BCR: variants seen among roughly 807,000 people sequenced by gnomAD.
BCR encodes breakpoint cluster region protein.
Under a neutral mutation model 138.6 loss-of-function variants are expected in BCR, and 58 were observed. The observed-to-expected ratio is 0.42, with a 90% CI of 0.34 to 0.52. The LOEUF is 0.52. BCR is among the 20% of genes least tolerant of loss of function. BCR has a pLI of 0.06. For missense variants in BCR, 1,599 were observed against 1,727.2 expected (o/e 0.93, Z 1.32); for synonymous variants, 786 against 730.1 (o/e 1.08, Z -1.23).
Position 23,181,485 on chromosome 22 carries a change from C to T in BCR, c.525C>T (p.Pro175=), listed in dbSNP as rs769081919. 14 of 1,611,712 alleles carry T rather than the reference C, an allele frequency of 8.7e-6. No individual in the cohort carries two copies. The South Asian group carries it at 9.9e-5, about 11-fold the overall frequency. The change falls in exon 1 of 23, where the codon CCC becomes CCT. Residue 175 remains proline (P), a synonymous_variant. Coordinates refer to ENST00000305877, the MANE Select transcript of BCR (RefSeq NM_004327.4). ...AGCCCGGGGCGGACGCCGAGAAGCC[C>T]TTCTACGTGAACGTCGAGTTTCACC... is the stretch of plus-strand genomic sequence containing the variant. ...HGQPGADAEK[P]FYVNVEFHHE...
chr22:23,290,558 T>G, intron 14 of BCR, 145 bp downstream of exon 14: 1 of 835,116 alleles, frequency 1.2e-6, no homozygotes, highest in Non-Finnish European at 2.0e-6. Flanking sequence ...GTGGAGTGTT[T>G]GTGCTGGTTG....
intron 16 of BCR, among the ~76,000 whole-genome samples, chr22:23,308,047 G>A (rs948593679): frequency 4.8e-5 from 7 of 146,144 alleles, no homozygotes; most frequent in African/African-American, 1.6e-4. Context: ...ATATGTGCAC[G>A]CATGTGAATG....
At chr22:23,216,662 G>A (rs2072756621) in intron 1 of BCR, among the ~76,000 whole-genome samples, 1 of 152,218 alleles carries the variant, frequency 6.6e-6, no homozygotes, top group South Asian at 2.1e-4. Flanking sequence ...CATCTGGCTT[G>A]GTATGAGGTG....
chr22:23,244,805 G>A (rs968061412), intron 1 of BCR, among the ~76,000 whole-genome samples: 2 of 152,196 alleles, frequency 1.3e-5, no homozygotes, highest in African/African-American at 4.8e-5. Flanking sequence ...ATCATCCTGG[G>A]GCGGAGGGCT....
At chr22:23,192,309 C>T (rs2072425965) in intron 1 of BCR, among the ~76,000 whole-genome samples, 1 of 152,186 alleles carries the variant, frequency 6.6e-6, no homozygotes, top group South Asian at 2.1e-4. Context: ...TGCCTCTCTC[C>T]TCAGACTGAG....
In BCR at chr22:23,290,134, A is replaced by G; in HGVS notation, c.2708-205A>G. The G allele has an allele frequency of 1.1e-5, 7 of 646,608 alleles. No individual in the cohort carries two copies. In the South Asian group the frequency reaches 1.2e-4, roughly 11 times the overall value. 40.1% of individuals were successfully genotyped at this position (646,608 alleles called of 1,614,324 possible). ...CACTTCGAGTCACTGGTTTGCCTGT[A>G]TTGTGAAACCAGCTGGATCCTGAGA... On this transcript the variant is annotated intron_variant, in intron 13 of 22. Transcript: ENST00000305877.
At chr22:23,297,220 TGTTTTTTTTTTTTTTTTC>T (rs1568979581) in intron 16 of BCR, among the ~76,000 whole-genome samples, 1 of 138,410 alleles carries the variant, frequency 7.2e-6, no homozygotes, top group Non-Finnish European at 1.5e-5. Flanking sequence ...TTTTGTTTTT[TGTTTTTTTTTTTTTTTTC>T]GAGACAGAGT....
intron 13 of BCR, chr22:23,289,935 C>A (rs946511684): frequency 1.6e-5 from 8 of 514,624 alleles, no homozygotes; most frequent in Non-Finnish European, 2.8e-5. Flanking sequence ...TCCTCCCAGC[C>A]CTCCTCTCCT....
Position 23,273,649 on chromosome 22 carries a change from A to G in BCR, c.1990A>G (p.Thr664Ala). The change falls in exon 8 of 23, where the codon ACT becomes GCT. Residue 664 changes from threonine (T) to alanine (A), a missense_variant. By Grantham distance (58) the Thr-to-Ala change is moderately conservative (BLOSUM62 0). This residue lies in a region of BCR where 590 missense variants were observed against 762.4 expected (regional missense o/e 0.77). Coordinates refer to ENST00000305877, the MANE Select transcript of BCR (RefSeq NM_004327.4). ...CCTGGGGCAGGACTTGCTGAAGCAC[A>G]CTCCTGCCAGCCACCCTGACCACCC... ...TLVLHDLLKHTPASHPDHPLL... is the reference protein window; with the variant it reads ...TLVLHDLLKHAPASHPDHPLL... 2 of 1,613,550 alleles carry G rather than the reference A, an allele frequency of 1.2e-6. No individual in the cohort carries two copies. The highest frequency in any genetic ancestry group is 1.7e-6 in the Non-Finnish European group (2 of 1,179,924).
In BCR at chr22:23,268,395, T is replaced by TC. The variant is rs768918920; in HGVS notation, c.1753-11dup. On this transcript the variant is annotated splice_polypyrimidine_tract_variant and intron_variant, in intron 4 of 22. Coordinates refer to ENST00000305877, the MANE Select transcript of BCR (RefSeq NM_004327.4). ...AGCACCTGTCCCACTCTCTCTTCCT[T>TC]CCTCCCCCTCAGGCCAGCCAGCTGG... is the stretch of plus-strand genomic sequence containing the variant. 2 of 1,599,916 alleles carry TC rather than the reference T, an allele frequency of 1.3e-6. No homozygotes were observed. Among genetic ancestry groups the TC allele is most frequent in the Non-Finnish European group, 1.7e-6 (2 of 1,172,172 alleles).
chr22:23,180,623 A>G lies in BCR; in HGVS notation c.-338A>G, dbSNP rs75147926. ...GCGGCGGGGCTGTGGGGCGGTGCGG[A>G]AGCGAGAGGCGAGGAGCGCGCGGGC... On this transcript the variant is annotated 5_prime_UTR_variant, in exon 1 of 23. Coordinates refer to ENST00000305877, the MANE Select transcript of BCR (RefSeq NM_004327.4). 114,877 of 174,048 alleles carry G rather than the reference A, an allele frequency of 0.66. 39,169 individuals are homozygous for G. The highest frequency in any genetic ancestry group is 0.96 in the East Asian group (6,028 of 6,302). The allele number at this position is 174,048 out of a possible 1,614,324, so 10.8% of individuals were successfully genotyped here.
chr22:23,188,143 T>C (rs1486622026), intron 1 of BCR, among the ~76,000 whole-genome samples: 1 of 152,152 alleles, frequency 6.6e-6, no homozygotes, highest in Admixed American at 6.5e-5. Context: ...TACAGGCTCC[T>C]TTCCATGGAT....
At chr22:23,304,276 G>T (rs946121829) in intron 16 of BCR, among the ~76,000 whole-genome samples, 1 of 151,808 alleles carries the variant, frequency 6.6e-6, no homozygotes, top group Non-Finnish European at 1.5e-5. Context: ...GACCCAAGCC[G>T]ATCTGCTTTT....
rs1275410236 is a variant in BCR at position 23,181,058 on chromosome 22, A to C, written c.98A>C (p.Gln33Pro). 1.3e-6 allele frequency: 2 copies of C among 1,518,896 alleles called. No individual in the cohort carries two copies. The highest frequency in any genetic ancestry group is 2.4e-5 in the South Asian group (2 of 81,734). 94.1% of individuals were successfully genotyped at this position (1,518,896 alleles called of 1,614,324 possible). The change falls in exon 1 of 23, where the codon CAG becomes CCG. Residue 33 changes from glutamine (Q) to proline (P), a missense_variant. Physicochemically the swap from Gln to Pro is moderately conservative, Grantham distance 76 (BLOSUM62 -1). This residue lies in a region of BCR where 806 missense variants were observed against 635.0 expected (regional missense o/e 1.27). Transcript: ENST00000305877. ...CTGCGCTCAGTGGGCGACATCGAGC[A>C]GGAGCTGGAGCGCTGCAAGGCCTCC... ...MELRSVGDIE[Q>P]ELERCKASIR...
At chr22:23,302,255 C>T (rs2073909903) in intron 16 of BCR, 2 of 152,580 alleles carry the variant, frequency 1.3e-5, no homozygotes, top group African/African-American at 4.8e-5. Flanking sequence ...CAGACCGGGC[C>T]AAGCCCCCAG....
At chr22:23,284,606 G>T (rs553392941) in intron 9 of BCR, among the ~76,000 whole-genome samples, 1 of 152,322 alleles carries the variant, frequency 6.6e-6, no homozygotes, top group East Asian at 1.9e-4. Flanking sequence ...TGCTGAGTGG[G>T]TTTAATCAGT....
intron 1 of BCR, among the ~76,000 whole-genome samples, chr22:23,211,825 A>G (rs1158614055): frequency 2.0e-5 from 3 of 152,270 alleles, no homozygotes; most frequent in East Asian, 3.9e-4. Context: ...TCCAGGCCAC[A>G]TCTCACCCTC....
chr22:23,311,889 G>A (rs533937137), intron 19 of BCR, 53 bp downstream of exon 19: 29 of 1,600,528 alleles, frequency 1.8e-5, no homozygotes, highest in African/African-American at 4.0e-5. Context: ...TGGTGTCCGC[G>A]ATGAGATCTC....
intron 1 of BCR, among the ~76,000 whole-genome samples, chr22:23,221,724 C>T (rs887574103): frequency 6.6e-6 from 1 of 152,206 alleles, no homozygotes; most frequent in Non-Finnish European, 1.5e-5. Flanking sequence ...CCGCCAGGCT[C>T]ACTAGAGTTT....
Sources: allele counts gnomAD v4.1 joint callset (sites outside exome capture counted in the v4.1 genomes callset), GRCh38; gene constraint gnomAD v4.1.1; regional missense constraint gnomAD v4.1.1; transcripts MANE v1.5; gene names NCBI Gene and HGNC (gene_info 2026-07-23, HGNC 2026-07-21).